MCAM: variants seen among roughly 807,000 people sequenced by gnomAD.
The protein encoded by MCAM is melanoma cell adhesion molecule, also known as cell surface glycoprotein MUC18.
Under a neutral mutation model 79.1 loss-of-function variants are expected in MCAM, and 55 were observed. The observed-to-expected ratio is 0.70, with a 90% CI of 0.56 to 0.87. The LOEUF (loss-of-function observed/expected upper bound fraction) is 0.87. MCAM is among the 40% of genes least tolerant of loss of function. The probability of loss-of-function intolerance (pLI) is 0.00; values close to 1 mark genes in which losing one functional copy is unlikely to be tolerated. For missense variants in MCAM, 745 were observed against 839.8 expected, an observed-to-expected ratio of 0.89 and a Z score of 1.40; for synonymous variants, 330 against 339.8, an observed-to-expected ratio of 0.97 and a Z score of 0.32.
Position 119,314,710 on chromosome 11 carries a change from C to T in MCAM, c.440G>A (p.Gly147Asp), listed in dbSNP as rs978961296. The change falls in exon 4 of 16, where the codon GGC becomes GAC. Residue 147 changes from glycine to aspartate, a missense_variant. Gly to Asp is a moderately conservative substitution (Grantham distance 94). Coordinates refer to ENST00000264036, the MANE Select transcript of MCAM (RefSeq NM_006500.3). ...EEPNIQVNPL[G>D]IPVNSKEPEE... Reference sequence around the variant, plus strand: ...AGGCTCCTTACTGTTCACAGGGATGCCCAGGGGGTTGACCTGGATGTTTGG... The same window carrying T: ...AGGCTCCTTACTGTTCACAGGGATGTCCAGGGGGTTGACCTGGATGTTTGG... 6.2e-6 allele frequency: 10 copies of T among 1,613,974 alleles called. No individual in the cohort carries two copies. The South Asian group carries it at 7.7e-5, about 12-fold the overall frequency.
Position 119,314,583 on chromosome 11 carries a change from A to G in MCAM, c.472-7T>C, listed in dbSNP as rs748296122. On this transcript the variant is annotated splice_polypyrimidine_tract_variant and splice_region_variant and intron_variant, in intron 4 of 15. Transcript: ENST00000264036. ...TCCCTACACAGGTAGCGACCTAAAGAGCACAGGGTGTGAGTCTCCCTGCCT... is the reference window on the plus strand; with the variant it reads ...TCCCTACACAGGTAGCGACCTAAAGGGCACAGGGTGTGAGTCTCCCTGCCT... 3.1e-6 allele frequency: 5 copies of G among 1,613,416 alleles called. No homozygotes were observed. In the African/African-American group the frequency reaches 6.7e-5, roughly 22 times the overall value.
Position 119,314,997 on chromosome 11 carries a change from C to T in MCAM, c.236G>A (p.Gly79Asp), listed in dbSNP as rs1950291065. The T allele has an allele frequency of 6.2e-7, 1 of 1,609,834 alleles. No individual in the cohort carries two copies. Among genetic ancestry groups the T allele is most frequent in the Non-Finnish European group, 8.5e-7 (1 of 1,179,984 alleles). ...KRTLIFRVRQ[G>D]QGQSEPGEYE... The stretch of plus-strand genomic sequence containing the variant: ...CTCCCCAGGTTCGCTCTGGCCCTGG[C>T]CCTGGCGCACACGGAAGATGAGCGT... Residue 79 changes from glycine (G) to aspartate (D), a missense_variant, in exon 3 of 16, where the codon GGC becomes GAC. Transcript: ENST00000264036.
At position 119,312,314 on chromosome 11, in the gene MCAM, C is replaced by A. The variant is rs760448545; in HGVS notation, c.976G>T (p.Asp326Tyr). 26 of 1,614,034 alleles carry A rather than the reference C, an allele frequency of 1.6e-5. No individual in the cohort carries two copies. Among genetic ancestry groups the A allele is most frequent in the Non-Finnish European group, 2.2e-5 (26 of 1,180,024 alleles). Residue 326 changes from aspartate (D) to tyrosine (Y), a missense_variant, in exon 8 of 16, where the codon GAC (aspartate) becomes TAC (tyrosine). By Grantham distance (160) the Asp-to-Tyr change is radical. Coordinates refer to ENST00000264036, the MANE Select transcript of MCAM (RefSeq NM_006500.3). The surrounding 1 kb of genome is among the most constrained non-coding windows in gnomAD (Gnocchi z 4.9). ...TCACTCAGCAGCGATATCATGGTGT[C>A]CAAGTCCAGGCCCTGACATTCATAG... The part of the protein sequence containing the change: ...GRYECQGLDL[D>Y]TMISLLSEPQ...
Position 119,311,177 on chromosome 11 carries a change from TTAAATTGAC to T in MCAM, c.1550-1_1557del. On this transcript the variant is annotated splice_acceptor_variant and coding_sequence_variant, in exon 13 of 16. Transcript: ENST00000264036. LOFTEE classifies it high-confidence loss of function. The surrounding 1 kb of genome is among the most constrained non-coding windows in gnomAD (Gnocchi z 4.4). ...GTGTTGGAGTCTGGTGTGAGGGTGGTTAAATTGACTAGGAGGCAGAGGGAGGGGTGTTAG... is the reference window on the plus strand; with the variant it reads ...GTGTTGGAGTCTGGTGTGAGGGTGGTTAGGAGGCAGAGGGAGGGGTGTTAG... 6.2e-7 allele frequency: 1 copy of T among 1,613,904 alleles called. No individual in the cohort carries two copies. Among genetic ancestry groups the T allele is most frequent in the Non-Finnish European group, 8.5e-7 (1 of 1,179,908 alleles).
rs530032928 is a variant in MCAM, at chr11:119,312,209, G to T, written c.1025-39C>A. The stretch of plus-strand genomic sequence containing the variant: ...AATCATGTCACCCAGGGCAGGGTGG[G>T]GCCAGTTCCCTATTGCCCCAGCCTG... On this transcript the variant is annotated intron_variant, in intron 8 of 15. Coordinates refer to ENST00000264036, the MANE Select transcript of MCAM (RefSeq NM_006500.3). This position sits in a 1 kb window ranked among gnomAD's most constrained non-coding sequence, Gnocchi z 4.9. The T allele has an allele frequency of 2.9e-5, 47 of 1,611,142 alleles. No homozygotes were observed. In the South Asian group the frequency reaches 4.8e-4, roughly 17 times the overall value.
In MCAM at chr11:119,312,889, A is replaced by G. The variant is rs1294468488; in HGVS notation, c.620T>C (p.Ile207Thr). The G allele has an allele frequency of 5.0e-6, 8 of 1,614,058 alleles. No individual in the cohort carries two copies. The highest frequency in any genetic ancestry group is 3.3e-5 in the Admixed American group (2 of 60,004). Residue 207 changes from isoleucine (I) to threonine (T), a missense_variant, in exon 6 of 16, where the codon ATT (isoleucine) becomes ACT (threonine). By Grantham distance (89) the Ile-to-Thr change is moderately conservative. Transcript: ENST00000264036. The surrounding 1 kb of genome is among the most constrained non-coding windows in gnomAD (Gnocchi z 4.9). Reference protein sequence around the residue: ...ESSGLYTLQSILKAQLVKEDK... With the variant: ...ESSGLYTLQSTLKAQLVKEDK... ...TTCTTTAACCAGCTGTGCCTTCAGA[A>G]TACTCTGCAAGGTGTACAAACCACT... is the stretch of plus-strand genomic sequence containing the variant.
chr11:119,309,620 T>C lies in MCAM; in HGVS notation c.*266A>G. Reference sequence around the variant, plus strand: ...AAACACGTTCTGCAAGAAACTCTCCTACCCGCTCGGGAGACTGGGGCTCCT... The same window carrying C: ...AAACACGTTCTGCAAGAAACTCTCCCACCCGCTCGGGAGACTGGGGCTCCT... On this transcript the variant is annotated 3_prime_UTR_variant, in exon 16 of 16. Transcript: ENST00000264036. The C allele has an allele frequency of 1.9e-6, 1 of 539,416 alleles. No homozygotes were observed. The highest frequency in any genetic ancestry group is 3.0e-5 in the East Asian group (1 of 33,562). The allele number at this position is 539,416 out of a possible 1,614,324, so 33.4% of individuals were successfully genotyped here.
rs1279851395 is a variant in MCAM, at chr11:119,317,089, T to TG, written c.12dup (p.Arg5GlnfsTer25). 1 of 1,529,656 alleles carries TG rather than the reference T, an allele frequency of 6.5e-7. No individual in the cohort carries two copies. 94.8% of individuals were successfully genotyped at this position (1,529,656 alleles called of 1,614,324 possible). On this transcript the variant is annotated frameshift_variant, in exon 1 of 16. Transcript: ENST00000264036. LOFTEE classifies it high-confidence loss of function. This position sits in a 1 kb window ranked among gnomAD's most constrained non-coding sequence, Gnocchi z 6.2. Reference sequence around the variant, plus strand: ...GCGAGCAAGAAGGCGCAGACCAGCCTGGGAAGCCCCATGCTTCCCGGCCGG... The same window carrying TG: ...GCGAGCAAGAAGGCGCAGACCAGCCTGGGGAAGCCCCATGCTTCCCGGCCGG...
Position 119,315,007 on chromosome 11 carries a change from C to A in MCAM, c.226G>T (p.Val76Leu). Residue 76 changes from valine to leucine, a missense_variant, in exon 3 of 16, where the codon GTG (valine) becomes TTG (leucine). Transcript: ENST00000264036. The surrounding 1 kb of genome is among the most constrained non-coding windows in gnomAD (Gnocchi z 4.4). ...HKEKRTLIFR[V>L]RQGQGQSEPG... ...TCGCTCTGGCCCTGGCCCTGGCGCA[C>A]ACGGAAGATGAGCGTCCGCTTCTCC... 6.2e-7 allele frequency: 1 copy of A among 1,609,248 alleles called. No homozygotes were observed. The highest frequency in any genetic ancestry group is 8.5e-7 in the Non-Finnish European group (1 of 1,179,986).
rs548366890 is a variant in MCAM at position 119,312,237 on chromosome 11, C to A, written c.1024+29G>T. 4 of 1,612,740 alleles carry A rather than the reference C, an allele frequency of 2.5e-6. No individual in the cohort carries two copies. The African/African-American group carries it at 4.0e-5, about 16-fold the overall frequency. On this transcript the variant is annotated intron_variant, in intron 8 of 15. Transcript: ENST00000264036. This position sits in a 1 kb window ranked among gnomAD's most constrained non-coding sequence, Gnocchi z 4.9. The stretch of plus-strand genomic sequence containing the variant: ...CAGTTCCCTATTGCCCCAGCCTGGT[C>A]CCCCTGTCCTGGGTCCCCAGCCCCT...
Position 119,311,175 on chromosome 11 carries a change from G to A in MCAM, c.1560C>T (p.Thr520=). 1.2e-6 allele frequency: 2 copies of A among 1,614,120 alleles called. No individual in the cohort carries two copies. The highest frequency in any genetic ancestry group is 1.7e-6 in the Non-Finnish European group (2 of 1,179,966). Residue 520 remains threonine (T), a synonymous_variant, in exon 13 of 16, where the codon ACC becomes ACT. Transcript: ENST00000264036. The surrounding 1 kb of genome is among the most constrained non-coding windows in gnomAD (Gnocchi z 4.4). ...SILFLELVNL[T]TLTPDSNTTT... is the part of the protein sequence containing the mutation. ...TTGTGTTGGAGTCTGGTGTGAGGGT[G>A]GTTAAATTGACTAGGAGGCAGAGGG... is the stretch of plus-strand genomic sequence containing the variant.
intron 5 of MCAM, chr11:119,314,157 G>C: frequency 1.8e-6 from 1 of 550,930 alleles, no homozygotes. Context: ...TAGTACCATA[G>C]GGACAGCTCT....
Position 119,312,893 on chromosome 11 carries a change from T to C in MCAM, c.616A>G (p.Ser206Gly). 6.2e-7 allele frequency: 1 copy of C among 1,614,176 alleles called. No individual in the cohort carries two copies. The highest frequency in any genetic ancestry group is 1.1e-5 in the South Asian group (1 of 91,090). The change falls in exon 6 of 16, where the codon AGT becomes GGT. Residue 206 changes from serine to glycine, a missense_variant. Physicochemically the swap from Ser to Gly is moderately conservative, Grantham distance 56. Transcript: ENST00000264036. The surrounding 1 kb of genome is among the most constrained non-coding windows in gnomAD (Gnocchi z 4.9). ...VESSGLYTLQ[S>G]ILKAQLVKED... ...TTAACCAGCTGTGCCTTCAGAATAC[T>C]CTGCAAGGTGTACAAACCACTCGAC... is the stretch of plus-strand genomic sequence containing the variant.
At chr11:119,314,635 G>A (rs368296312) in intron 4 of MCAM, 44 bp downstream of exon 4, 23 of 1,611,890 alleles carry the variant, frequency 1.4e-5, no homozygotes, top group Non-Finnish European at 1.9e-5. Context: ...CCCCATCTCA[G>A]CGGCTGCGCA....
At position 119,315,107 on chromosome 11, in the gene MCAM, C is replaced by A; in HGVS notation, c.192+32G>T. The A allele has an allele frequency of 5.0e-6, 8 of 1,612,770 alleles. No homozygotes were observed. Among genetic ancestry groups the A allele is most frequent in the Non-Finnish European group, 6.8e-6 (8 of 1,179,954 alleles). On this transcript the variant is annotated intron_variant, in intron 2 of 15. Coordinates refer to ENST00000264036, the MANE Select transcript of MCAM (RefSeq NM_006500.3). This position sits in a 1 kb window ranked among gnomAD's most constrained non-coding sequence, Gnocchi z 4.4. ...ACAAGAGGGGCAGAGTCTCCCTCCCCGGGCTGCTCTTGCAGGAGCCCAAGC... is the reference window on the plus strand; with the variant it reads ...ACAAGAGGGGCAGAGTCTCCCTCCCAGGGCTGCTCTTGCAGGAGCCCAAGC...
At chr11:119,310,210 G>T in intron 15 of MCAM, 139 bp downstream of exon 15, 1 of 701,688 alleles carries the variant, frequency 1.4e-6, no homozygotes. Context: ...TGCCATCTGT[G>T]AGTAGTGTTA....
intron 14 of MCAM, 43 bp downstream of exon 14, chr11:119,310,713 G>T: frequency 6.3e-7 from 1 of 1,596,388 alleles, no homozygotes; most frequent in Non-Finnish European, 8.6e-7. Flanking sequence ...AGCAGGCTGG[G>T]TGGCAAAACG....
In MCAM at chr11:119,315,427, G is replaced by T; in HGVS notation, c.68-164C>A. 1 of 827,840 alleles carries T rather than the reference G, an allele frequency of 1.2e-6. No individual in the cohort carries two copies. The highest frequency in any genetic ancestry group is 1.8e-6 in the Non-Finnish European group (1 of 541,402). The allele number at this position is 827,840 out of a possible 1,614,324, so 51.3% of individuals were successfully genotyped here. On this transcript the variant is annotated intron_variant, in intron 1 of 15. Transcript: ENST00000264036. The surrounding 1 kb of genome is among the most constrained non-coding windows in gnomAD (Gnocchi z 4.4). ...CCACCCCGACCCGCGCCCCACCTGG[G>T]CCAGCCCTCTCCCCGTCCAGGAGAT...
intron 14 of MCAM, 131 bp downstream of exon 14, chr11:119,310,625 A>G: frequency 8.9e-7 from 1 of 1,126,970 alleles, no homozygotes; most frequent in Non-Finnish European, 1.3e-6. Flanking sequence ...GAAGCTGGGC[A>G]GTGGGTAGTG....
Sources: gnomAD v4.1 joint callset for allele counts on GRCh38, gnomAD v4.1.1 for gene constraint, Gnocchi (gnomAD v3.1) non-coding constraint, MANE v1.5 for transcripts, NCBI Gene and HGNC (gene_info 2026-07-23, HGNC 2026-07-21) for gene names.